The following FAAH variants were observed in gnomAD, a reference collection of about 807,000 sequenced individuals.
FAAH encodes fatty-acid amide hydrolase 1.
Under a neutral mutation model 69.7 loss-of-function variants are expected in FAAH, and 63 were observed. The observed-to-expected ratio is 0.90, with a 90% confidence interval of 0.74 to 1.12. The LOEUF (loss-of-function observed/expected upper bound fraction) is 1.12. FAAH is among the 50% of genes most tolerant of loss of function. FAAH has a pLI of 0.00. For missense variants in FAAH, 680 were observed against 755.0 expected (o/e 0.90, Z 1.16); for synonymous variants, 305 against 324.2 (o/e 0.94, Z 0.64).
Position 46,410,215 on chromosome 1 carries a change from G to A in FAAH, c.1176-183G>A, listed in dbSNP as rs568385672. 270 of 681,776 alleles carry A rather than the reference G, an allele frequency of 4.0e-4. 1 individual carries two copies. In the East Asian group the frequency reaches 5.8e-3, roughly 15 times the overall value. The allele number at this position is 681,776 out of a possible 1,614,324, so 42.2% of individuals were successfully genotyped here. A position where few individuals can be genotyped will look rare whatever the true frequency, so the allele number is the denominator to read the frequency against. Reference sequence around the variant, plus strand: ...TGGGGAGCTCCCGTGGATGTGGGTTGCAGCCCAGGCATCCCAAAGGATCAG... The same window carrying A: ...TGGGGAGCTCCCGTGGATGTGGGTTACAGCCCAGGCATCCCAAAGGATCAG... On this transcript the variant is annotated intron_variant, in intron 9 of 14. Transcript: ENST00000243167. The surrounding 1 kb of genome is among the most constrained non-coding windows in gnomAD (Gnocchi z 4.9).
Position 46,405,008 on chromosome 1 carries a change from C to T in FAAH, c.310-6C>T, listed in dbSNP as rs745802994. ...TTTTATCTTATGTCTACTTCCCCTT[C>T]CTCAGGCCTGGGAAGTGAACAAAGG... is the stretch of plus-strand genomic sequence containing the variant. On this transcript the variant is annotated splice_polypyrimidine_tract_variant and splice_region_variant and intron_variant, in intron 2 of 14. Coordinates refer to ENST00000243167, the MANE Select transcript of FAAH (RefSeq NM_001441.3). This position sits in a 1 kb window ranked among gnomAD's most constrained non-coding sequence, Gnocchi z 4.1. The T allele has an allele frequency of 6.2e-7, 1 of 1,614,058 alleles. No individual in the cohort carries two copies. The highest frequency in any genetic ancestry group is 2.2e-5 in the East Asian group (1 of 44,890).
intron 1 of FAAH, among the ~76,000 whole-genome samples, chr1:46,395,265 C>G (rs945671183): frequency 6.6e-6 from 1 of 152,204 alleles, no homozygotes; most frequent in Non-Finnish European, 1.5e-5. Context: ...GCATTTGGAT[C>G]CTAAGAGGGA....
intron 13 of FAAH, among the ~76,000 whole-genome samples, chr1:46,412,816 G>A (rs984611358): frequency 6.6e-6 from 1 of 152,054 alleles, no homozygotes; most frequent in Non-Finnish European, 1.5e-5. Flanking sequence ...CTCAAAAAAA[G>A]GAAAAGGAAA....
rs1664948183 is a variant in FAAH at position 46,413,206 on chromosome 1, A to G, written c.1597A>G (p.Lys533Glu). 1 of 1,614,150 alleles carries G rather than the reference A, an allele frequency of 6.2e-7. No individual in the cohort carries two copies. Among genetic ancestry groups the G allele is most frequent in the South Asian group, 1.1e-5 (1 of 91,088 alleles). ...YRGYFGDIWD[K>E]MLQKGMKKSV... ...GGGCTACTTTGGGGATATCTGGGAC[A>G]AGATGCTGCAGAAGGTGAGGACTGA... Residue 533 changes from lysine (K) to glutamate (E), a missense_variant, in exon 14 of 15, where the codon AAG becomes GAG. Coordinates refer to ENST00000243167, the MANE Select transcript of FAAH (RefSeq NM_001441.3).
chr1:46,401,805 G>A (rs1045636468), intron 1 of FAAH, among the ~76,000 whole-genome samples: 2 of 152,188 alleles, frequency 1.3e-5, no homozygotes, highest in Non-Finnish European at 2.9e-5. Context: ...CAGCTACTCG[G>A]GAGGCTGAAG....
intron 1 of FAAH, among the ~76,000 whole-genome samples, chr1:46,399,894 A>T (rs1349438254): frequency 6.6e-6 from 1 of 152,124 alleles, no homozygotes; most frequent in Non-Finnish European, 1.5e-5. Flanking sequence ...TGTTAATTAT[A>T]GTTTTCCTTT....
Position 46,410,889 on chromosome 1 carries a change from GCC to G in FAAH, c.1316+36_1316+37del, listed in dbSNP as rs201500614. 1.7e-3 allele frequency: 2,778 copies of G among 1,613,800 alleles called. 31 individuals are homozygous for G. The East Asian group carries it at 0.021, about 12-fold the overall frequency. On this transcript the variant is annotated intron_variant, in intron 11 of 14. Transcript: ENST00000243167. The surrounding 1 kb of genome is among the most constrained non-coding windows in gnomAD (Gnocchi z 4.9). ...CTTCTGTGTCTAGCTGCCGGCCCCTGCCTGTCCTGATCCGAGTCTGGGTCTGG... is the reference window on the plus strand; with the variant it reads ...CTTCTGTGTCTAGCTGCCGGCCCCTGTGTCCTGATCCGAGTCTGGGTCTGG...
At chr1:46,407,486 T>C (rs1048073452) in intron 7 of FAAH, among the ~76,000 whole-genome samples, 3 of 151,882 alleles carry the variant, frequency 2.0e-5, no homozygotes, top group African/African-American at 7.3e-5. Flanking sequence ...TTGGAGGAGG[T>C]GGGGGAGTGG....
At position 46,405,950 on chromosome 1, in the gene FAAH, G is replaced by A. The variant is rs565740291; in HGVS notation, c.786-88G>A. ...CCGGGCGTGGGTCCTAGTTTCCAAA[G>A]CGGTGAGTGTTCAGAGCTGCTCTGT... On this transcript the variant is annotated intron_variant, in intron 5 of 14. Coordinates refer to ENST00000243167, the MANE Select transcript of FAAH (RefSeq NM_001441.3). The surrounding 1 kb of genome is among the most constrained non-coding windows in gnomAD (Gnocchi z 4.1). The A allele has an allele frequency of 1.9e-6, 3 of 1,613,024 alleles. No homozygotes were observed. The highest frequency in any genetic ancestry group is 2.5e-6 in the Non-Finnish European group (3 of 1,179,886).
intron 2 of FAAH, 99 bp downstream of exon 2, chr1:46,402,303 A>C: frequency 1.8e-6 from 2 of 1,084,124 alleles, no homozygotes; most frequent in Non-Finnish European, 2.8e-6. Flanking sequence ...GCTGTGGGGA[A>C]AACCTGGCCT....
chr1:46,402,221 C>G lies in FAAH; in HGVS notation c.309+17C>G. On this transcript the variant is annotated intron_variant, in intron 2 of 14. Coordinates refer to ENST00000243167, the MANE Select transcript of FAAH (RefSeq NM_001441.3). The stretch of plus-strand genomic sequence containing the variant: ...GTGGGAAAGGTAAGGCCAGCCAAGG[C>G]CAGCCCCTCCCTGGGAAAGGTAAGG... 1 of 1,560,156 alleles carries G rather than the reference C, an allele frequency of 6.4e-7. No individual in the cohort carries two copies. Among genetic ancestry groups the G allele is most frequent in the Non-Finnish European group, 8.7e-7 (1 of 1,153,090 alleles).
Position 46,394,432 on chromosome 1 carries a change from C to T in FAAH, c.84C>T (p.Ala28=). 11 of 1,441,624 alleles carry T rather than the reference C, an allele frequency of 7.6e-6. No individual in the cohort carries two copies. The Admixed American group carries it at 2.2e-4, about 29-fold the overall frequency. The allele number at this position is 1,441,624 out of a possible 1,614,324, so 89.3% of individuals were successfully genotyped here. Reference sequence around the variant, plus strand: ...GCTGCTTCGTGGCGGCGGCCGTGGCCCTGCGCTGGTCCGGGCGCCGGACGG... The same window carrying T: ...GCTGCTTCGTGGCGGCGGCCGTGGCTCTGCGCTGGTCCGGGCGCCGGACGG... The part of the protein sequence containing the change: ...LACCFVAAAV[A]LRWSGRRTAR... The change falls in exon 1 of 15, where the codon GCC becomes GCT. Residue 28 remains alanine (A), a synonymous_variant. Coordinates refer to ENST00000243167, the MANE Select transcript of FAAH (RefSeq NM_001441.3).
intron 8 of FAAH, among the ~76,000 whole-genome samples, chr1:46,408,840 GT>G (rs1478503245): frequency 6.6e-6 from 1 of 152,226 alleles, no homozygotes; most frequent in African/African-American, 2.4e-5. Context: ...CTAAACAGTG[GT>G]GCACAGCTGT....
chr1:46,399,331 C>T (rs1388766163), intron 1 of FAAH, among the ~76,000 whole-genome samples: 3 of 152,170 alleles, frequency 2.0e-5, no homozygotes, highest in Non-Finnish European at 2.9e-5. Context: ...CTGCATTCTC[C>T]GCAAAATCAG....
At chr1:46,412,355 C>T (rs770733691) in intron 13 of FAAH, 104 bp downstream of exon 13, 12 of 971,310 alleles carry the variant, frequency 1.2e-5, no homozygotes, top group South Asian at 4.2e-5. Context: ...CCTGCCCTCT[C>T]GGGGCCCACA....
In FAAH at chr1:46,405,305, T is replaced by G; in HGVS notation, c.445-67T>G. 2 of 1,605,950 alleles carry G rather than the reference T, an allele frequency of 1.2e-6. No homozygotes were observed. Among genetic ancestry groups the G allele is most frequent in the Non-Finnish European group, 8.5e-7 (1 of 1,179,770 alleles). ...CTGTTTTGGCCTGTGTGACAGTTGT[T>G]GGAGTGGACCCTTGGCTGCCCACGG... On this transcript the variant is annotated intron_variant, in intron 3 of 14. Coordinates refer to ENST00000243167, the MANE Select transcript of FAAH (RefSeq NM_001441.3). This position sits in a 1 kb window ranked among gnomAD's most constrained non-coding sequence, Gnocchi z 4.1.
Position 46,413,650 on chromosome 1 carries a change from C to G in FAAH, c.*75C>G. 1 of 1,601,496 alleles carries G rather than the reference C, an allele frequency of 6.2e-7. No homozygotes were observed. Among genetic ancestry groups the G allele is most frequent in the Non-Finnish European group, 8.5e-7 (1 of 1,170,190 alleles). Reference sequence around the variant, plus strand: ...TAGTCAGGGCACAGCTGCCCTGCTGCCACAGCAAGGAAATGTCCTGCATGG... The same window carrying G: ...TAGTCAGGGCACAGCTGCCCTGCTGGCACAGCAAGGAAATGTCCTGCATGG... On this transcript the variant is annotated 3_prime_UTR_variant, in exon 15 of 15. Transcript: ENST00000243167.
chr1:46,406,243 G>A lies in FAAH; in HGVS notation c.827-1G>A, dbSNP rs200398181. 8 of 1,613,936 alleles carry A rather than the reference G, an allele frequency of 5.0e-6. No homozygotes were observed. Among genetic ancestry groups the A allele is most frequent in the Non-Finnish European group, 6.8e-6 (8 of 1,180,050 alleles). ...ACCTCCCTCACCTCTCTGCCCCACA[G>A]TGCGTCTCTCCGTGGGCCCCATGGC... On this transcript the variant is annotated splice_acceptor_variant, in intron 6 of 14. Coordinates refer to ENST00000243167, the MANE Select transcript of FAAH (RefSeq NM_001441.3). LOFTEE classifies it high-confidence loss of function.
At chr1:46,413,375 G>T (rs1236250598) in intron 14 of FAAH, 72 bp from the exon 15 acceptor site, 3 of 1,612,156 alleles carry the variant, frequency 1.9e-6, no homozygotes, top group Non-Finnish European at 1.7e-6. Flanking sequence ...CTCTCTAGCT[G>T]GGTGCTTCCT....
Sources: allele counts gnomAD v4.1 joint callset (sites outside exome capture counted in the v4.1 genomes callset), GRCh38; gene constraint gnomAD v4.1.1; non-coding constraint Gnocchi (gnomAD v3.1); transcripts MANE v1.5; gene names NCBI Gene and HGNC (gene_info 2026-07-23, HGNC 2026-07-21).